Variants in TAB2 observed in about 807,000 individuals in gnomAD.
TAB2 encodes the protein TGF-beta-activated kinase 1 and MAP3K7-binding protein 2.
Under a neutral mutation model 65.0 loss-of-function variants are expected in TAB2, and 3 were observed. The observed-to-expected ratio is 0.05, with a 90% CI of 0.02 to 0.12. The LOEUF (loss-of-function observed/expected upper bound fraction) is 0.12, where lower values mean the gene tolerates loss of function less well. TAB2 is among the 10% of genes least tolerant of loss of function. The pLI, the probability that TAB2 is intolerant of heterozygous loss-of-function variation, is 1.00. For missense variants in TAB2, 623 were observed against 840.3 expected (o/e 0.74, Z 3.20); for synonymous variants, 298 against 285.1 (o/e 1.05, Z -0.46).
intron 1 of TAB2, among the ~76,000 whole-genome samples, chr6:149,268,172 G>C (rs1238528803): frequency 6.6e-6 from 1 of 152,138 alleles, no homozygotes; most frequent in Non-Finnish European, 1.5e-5. Flanking sequence ...ATCAGTTCAA[G>C]GGCTGATGTG....
intron 1 of TAB2, among the ~76,000 whole-genome samples, chr6:149,232,670 GGAT>G (rs1777428115): frequency 6.6e-6 from 1 of 152,172 alleles, no homozygotes; most frequent in Non-Finnish European, 1.5e-5. Flanking sequence ...TCACTGAACT[GGAT>G]AATAACACTA....
chr6:149,392,209 C>T, intron 3 of TAB2, among the ~76,000 whole-genome samples: 1 of 151,938 alleles, frequency 6.6e-6, no homozygotes, highest in Non-Finnish European at 1.5e-5. Context: ...GACACAATAT[C>T]AGTTCACTGC....
chr6:149,369,985 A>G lies in TAB2; in HGVS notation c.-13A>G, dbSNP rs765241830. On this transcript the variant is annotated 5_prime_UTR_variant, in exon 2 of 7. Coordinates refer to ENST00000637181, the MANE Select transcript of TAB2 (RefSeq NM_001292034.3). ...GCCTACTGTACAAATAGTCCTGATC[A>G]GGCAATATACGAATGGCCCAAGGAA... 6.2e-7 allele frequency: 1 copy of G among 1,609,378 alleles called. No individual in the cohort carries two copies. Among genetic ancestry groups the G allele is most frequent in the Non-Finnish European group, 8.5e-7 (1 of 1,175,650 alleles).
chr6:149,234,052 T>C (rs1777452109), intron 1 of TAB2, among the ~76,000 whole-genome samples: 1 of 152,230 alleles, frequency 6.6e-6, no homozygotes, highest in South Asian at 2.1e-4. Context: ...TTAATAATAA[T>C]AATCAGTCAC....
At chr6:149,233,984 A>G (rs746371657) in intron 1 of TAB2, among the ~76,000 whole-genome samples, 1 of 152,194 alleles carries the variant, frequency 6.6e-6, no homozygotes, top group African/African-American at 2.4e-5. Context: ...GCATTTTTAC[A>G]TTTATTCCTA....
At chr6:149,309,875 T>G (rs1282599987) in intron 1 of TAB2, among the ~76,000 whole-genome samples, 2 of 110,766 alleles carry the variant, frequency 1.8e-5, no homozygotes, top group East Asian at 2.7e-4. Flanking sequence ...TGTGTGTGTG[T>G]GGGTGTGGGT....
intron 3 of TAB2, among the ~76,000 whole-genome samples, chr6:149,391,008 A>G (rs1027846140): frequency 2.6e-5 from 4 of 152,172 alleles, no homozygotes; most frequent in African/African-American, 7.2e-5. Context: ...TGGATCTTAT[A>G]TTATCTTCCT....
chr6:149,245,686 G>A (rs529940073), intron 1 of TAB2: 1 of 151,900 alleles, frequency 6.6e-6, no homozygotes, highest in East Asian at 1.9e-4. Flanking sequence ...TACAGATATG[G>A]AAACAATGCA....
At chr6:149,320,253 T>A (rs1779395113) in intron 1 of TAB2, among the ~76,000 whole-genome samples, 1 of 152,062 alleles carries the variant, frequency 6.6e-6, no homozygotes, top group African/African-American at 2.4e-5. Flanking sequence ...ATTTTTGTAC[T>A]TTTAGTAGAG....
chr6:149,370,937 A>G (rs888244868), intron 2 of TAB2, among the ~76,000 whole-genome samples: 3 of 151,650 alleles, frequency 2.0e-5, no homozygotes, highest in Non-Finnish European at 4.4e-5. Flanking sequence ...GTGGCAGCCC[A>G]CACCTGTGGT....
chr6:149,328,829 G>A (rs1040895453), intron 1 of TAB2, among the ~76,000 whole-genome samples: 1 of 152,290 alleles, frequency 6.6e-6, no homozygotes, highest in Admixed American at 6.5e-5. Flanking sequence ...GGATTAGGCA[G>A]TATCTCCTAT....
intron 1 of TAB2, among the ~76,000 whole-genome samples, chr6:149,309,028 AT>A (rs902376029): frequency 4.3e-5 from 6 of 139,252 alleles, no homozygotes; most frequent in African/African-American, 1.1e-4. Context: ...ATAAAAAAAA[AT>A]ATATGGAATG....
intron 1 of TAB2, among the ~76,000 whole-genome samples, chr6:149,231,282 T>C (rs948169397): frequency 6.6e-6 from 1 of 152,358 alleles, no homozygotes. Flanking sequence ...ACCGCATGCC[T>C]TGTGAGCTTG....
intron 1 of TAB2, among the ~76,000 whole-genome samples, chr6:149,258,233 A>G (rs369763119): frequency 1.3e-5 from 2 of 152,154 alleles, no homozygotes; most frequent in Non-Finnish European, 2.9e-5. Flanking sequence ...GTGTTTAACA[A>G]TGGGCTCTCC....
chr6:149,373,423 A>G (rs1781294171), intron 2 of TAB2, among the ~76,000 whole-genome samples: 1 of 152,162 alleles, frequency 6.6e-6, no homozygotes, highest in African/African-American at 2.4e-5. Flanking sequence ...ACCTTCACCC[A>G]TTGTCCTTAT....
chr6:149,234,175 C>T (rs955006636), intron 1 of TAB2, among the ~76,000 whole-genome samples: 1 of 152,152 alleles, frequency 6.6e-6, no homozygotes, highest in South Asian at 2.1e-4. Flanking sequence ...TTTTCAATAA[C>T]ATTTTTAAGA....
At chr6:149,285,023 A>T (rs1349212459) in intron 1 of TAB2, among the ~76,000 whole-genome samples, 1 of 152,110 alleles carries the variant, frequency 6.6e-6, no homozygotes, top group Admixed American at 6.5e-5. Context: ...TGTCACATAG[A>T]AATGAAAGAT....
At chr6:149,235,221 A>C (rs532195074) in intron 1 of TAB2, among the ~76,000 whole-genome samples, 3 of 152,356 alleles carry the variant, frequency 2.0e-5, no homozygotes, top group East Asian at 3.9e-4. Context: ...TGAAACACCA[A>C]GTGGGTTTAC....
intron 1 of TAB2, among the ~76,000 whole-genome samples, chr6:149,364,355 GCT>G (rs1780969631): frequency 6.6e-6 from 1 of 151,940 alleles, no homozygotes; most frequent in South Asian, 2.1e-4. Flanking sequence ...CTTGATCTTT[GCT>G]CTCTACAGTT....
Sources: allele counts gnomAD v4.1 joint callset (sites outside exome capture counted in the v4.1 genomes callset), GRCh38; gene constraint gnomAD v4.1.1; transcripts MANE v1.5; gene names NCBI Gene and HGNC (gene_info 2026-07-23, HGNC 2026-07-21).